The following LGALS3 variants were observed in gnomAD, a reference collection of about 807,000 sequenced individuals.
LGALS3 encodes galectin 3.
In LGALS3, 18 loss-of-function variants were observed where a neutral mutation model predicts 20.7. The ratio of observed to expected loss-of-function variants is 0.87; its 90% CI spans 0.60 to 1.29. LGALS3 has a LOEUF of 1.29. Ranked by LOEUF, LGALS3 falls within the 50% of genes most tolerant of loss-of-function variation. The pLI is 0.00. For synonymous variants in LGALS3, 112 were observed against 119.6 expected, an observed-to-expected ratio of 0.94 and a Z score of 0.42; for missense variants, 315 against 314.7, an observed-to-expected ratio of 1.00 and a Z score of -0.01.
At chr14:55,139,465 A>G (rs1183593861) in intron 3 of LGALS3, among the ~76,000 whole-genome samples, 2 of 152,182 alleles carry the variant, frequency 1.3e-5, no homozygotes, top group South Asian at 2.1e-4. Context: ...GACTAGAAAG[A>G]AAATATTTGG....
At position 55,129,425 on chromosome 14, in the gene LGALS3, G is replaced by A. The variant is rs895438722; in HGVS notation, c.-5+125G>A. 1.3e-5 allele frequency: 2 copies of A among 152,130 alleles called. No homozygotes were observed. The highest frequency in any genetic ancestry group is 4.8e-5 in the African/African-American group (2 of 41,404). The allele number at this position is 152,130 out of a possible 1,614,324, so 9.4% of individuals were successfully genotyped here. On this transcript the variant is annotated intron_variant, in intron 1 of 5. Coordinates refer to ENST00000254301, the MANE Select transcript of LGALS3 (RefSeq NM_002306.4). The surrounding 1 kb of genome is among the most constrained non-coding windows in gnomAD (Gnocchi z 5.3). ...GGGACCGGGCCGGGGCGCGCGCGGAGAGCCCCACAGCCTGTGCTCTGCCCT... is the reference window on the plus strand; with the variant it reads ...GGGACCGGGCCGGGGCGCGCGCGGAAAGCCCCACAGCCTGTGCTCTGCCCT...
intron 4 of LGALS3, chr14:55,140,569 A>G: frequency 2.1e-6 from 1 of 478,136 alleles, no homozygotes; most frequent in Non-Finnish European, 3.7e-6. Flanking sequence ...AATTTTGCTA[A>G]GCATCATGGC....
At chr14:55,142,489 T>G in intron 4 of LGALS3, 95 bp from the exon 5 acceptor site, 2 of 1,007,032 alleles carry the variant, frequency 2.0e-6, no homozygotes, top group Non-Finnish European at 2.9e-6. Flanking sequence ...TACTGTATTA[T>G]GAAATTATTT....
chr14:55,140,487 A>C (rs1042864425), intron 4 of LGALS3, 124 bp downstream of exon 4: 10 of 603,978 alleles, frequency 1.7e-5, no homozygotes, highest in Non-Finnish European at 2.9e-5. Flanking sequence ...AAAATTTTAA[A>C]AACTACATAT....
chr14:55,142,770 T>G lies in LGALS3; in HGVS notation c.597+21T>G, dbSNP rs531222038. On this transcript the variant is annotated intron_variant, in intron 5 of 5. Transcript: ENST00000254301. ...TCAAAGTAAGTTATTGCTACTATTATATATTGATAATGTATATTTCTCATG... is the reference window on the plus strand; with the variant it reads ...TCAAAGTAAGTTATTGCTACTATTAGATATTGATAATGTATATTTCTCATG... The G allele has an allele frequency of 5.7e-6, 9 of 1,573,166 alleles. No homozygotes were observed. In the South Asian group the frequency reaches 6.7e-5, roughly 12 times the overall value.
chr14:55,136,699 A>G (rs1881406071), intron 1 of LGALS3, among the ~76,000 whole-genome samples: 1 of 152,192 alleles, frequency 6.6e-6, no homozygotes, highest in Non-Finnish European at 1.5e-5. Context: ...TCAAACGTAC[A>G]ATGAAATTAT....
At chr14:55,131,034 C>T (rs1388078500) in intron 1 of LGALS3, among the ~76,000 whole-genome samples, 1 of 152,170 alleles carries the variant, frequency 6.6e-6, no homozygotes, top group Admixed American at 6.5e-5. Context: ...TGATCATACC[C>T]CATCCTTGAT....
At chr14:55,140,211 A>C in intron 3 of LGALS3, 64 bp from the exon 4 acceptor site, 1 of 1,022,268 alleles carries the variant, frequency 9.8e-7, no homozygotes. Context: ...AACTTTAGCA[A>C]CATCGTTTTT....
chr14:55,144,634 GC>G (rs1188413733), intron 5 of LGALS3, among the ~76,000 whole-genome samples: 1 of 152,140 alleles, frequency 6.6e-6, no homozygotes, highest in African/African-American at 2.4e-5. Context: ...CACTATCTCG[GC>G]TAACTTCAAG....
chr14:55,139,092 C>T (rs1431732932), intron 3 of LGALS3, among the ~76,000 whole-genome samples: 1 of 152,012 alleles, frequency 6.6e-6, no homozygotes, highest in Non-Finnish European at 1.5e-5. Context: ...CCTTTTAGGT[C>T]AGTTTAGAGT....
chr14:55,144,136 A>G (rs10498474), intron 5 of LGALS3, among the ~76,000 whole-genome samples: 12,558 of 152,160 alleles, frequency 0.083, 1,393 homozygotes, highest in African/African-American at 0.25. Context: ...GTTTTAGACC[A>G]TATCAGAACT....
At chr14:55,140,245 A>G in intron 3 of LGALS3, 30 bp from the exon 4 acceptor site, 1 of 1,427,434 alleles carries the variant, frequency 7.0e-7, no homozygotes, top group Non-Finnish European at 9.9e-7. Context: ...ATGACTCCTT[A>G]TTGACACATA....
At chr14:55,142,389 G>C (rs1482021108) in intron 4 of LGALS3, among the ~76,000 whole-genome samples, 195 bp from the exon 5 acceptor site, 3 of 152,184 alleles carry the variant, frequency 2.0e-5, no homozygotes, top group Admixed American at 6.5e-5. Context: ...TTTAGATTTT[G>C]TGATAGTACA....
At chr14:55,144,469 T>C (rs1021132018) in intron 5 of LGALS3, among the ~76,000 whole-genome samples, 2 of 151,828 alleles carry the variant, frequency 1.3e-5, no homozygotes, top group African/African-American at 2.4e-5. Context: ...TGCAGGCAAA[T>C]CTTTAGCCTC....
chr14:55,136,540 T>C (rs1471693987), intron 1 of LGALS3, among the ~76,000 whole-genome samples: 1 of 152,170 alleles, frequency 6.6e-6, no homozygotes, highest in East Asian at 1.9e-4. Context: ...TTAATCTTTA[T>C]GGGTACATAG....
intron 1 of LGALS3, among the ~76,000 whole-genome samples, chr14:55,135,031 G>A (rs1486802123): frequency 1.3e-5 from 2 of 151,902 alleles, no homozygotes; most frequent in Non-Finnish European, 2.9e-5. Context: ...TTGTGTGGCT[G>A]TAGTCCCAGT....
chr14:55,140,491 T>A, intron 4 of LGALS3, 128 bp downstream of exon 4: 1 of 599,178 alleles, frequency 1.7e-6, no homozygotes, highest in East Asian at 2.8e-5. Context: ...TTTTAAAAAC[T>A]ACATATTTAG....
intron 1 of LGALS3, among the ~76,000 whole-genome samples, chr14:55,136,284 T>G (rs1009977): frequency 0.48 from 72,334 of 151,602 alleles, 18,507 homozygotes; most frequent in African/African-American, 0.66. Context: ...TACTGCCAAA[T>G]ATTTTATTTG....
intron 4 of LGALS3, among the ~76,000 whole-genome samples, chr14:55,141,384 T>C (rs377466934): frequency 6.6e-6 from 1 of 152,178 alleles, no homozygotes; most frequent in African/African-American, 2.4e-5. Context: ...CAACATCACA[T>C]AGAACCCAGC....
Sources: gnomAD v4.1 joint callset for allele counts (sites outside exome capture counted in the v4.1 genomes callset) on GRCh38, gnomAD v4.1.1 for gene constraint, Gnocchi (gnomAD v3.1) non-coding constraint, MANE v1.5 for transcripts, NCBI Gene and HGNC (gene_info 2026-07-23, HGNC 2026-07-21) for gene names.